AFF4: variants seen among roughly 807,000 people sequenced by gnomAD.
AFF4 encodes AF4/FMR2 family member 4.
In AFF4, 13 loss-of-function variants were observed where a neutral mutation model predicts 124.8. The observed-to-expected ratio is 0.10, with a 90% CI of 0.07 to 0.17. The LOEUF (loss-of-function observed/expected upper bound fraction) is 0.17. Ranked by LOEUF, AFF4 falls within the 10% of genes least tolerant of loss-of-function variation. The probability of loss-of-function intolerance (pLI) is 1.00; values close to 1 mark genes in which losing one functional copy is unlikely to be tolerated. For missense variants in AFF4, 1,092 were observed against 1,403.8 expected (o/e 0.78, Z 3.55); for synonymous variants, 477 against 496.1 (o/e 0.96, Z 0.51).
intron 1 of AFF4, among the ~76,000 whole-genome samples, chr5:132,961,773 T>C (rs917379920): frequency 2.6e-5 from 4 of 152,120 alleles, no homozygotes; most frequent in African/African-American, 9.7e-5. Flanking sequence ...TTATTTAAAG[T>C]AAAATTTGCC....
At chr5:132,939,216 CAAA>C (rs33952107) in intron 1 of AFF4, among the ~76,000 whole-genome samples, 2 of 122,978 alleles carry the variant, frequency 1.6e-5, no homozygotes. Context: ...GACCCTTTCT[CAAA>C]AAAAAAAAAA....
intron 8 of AFF4, 65 bp from the exon 9 acceptor site, chr5:132,899,206 A>T: frequency 2.0e-6 from 3 of 1,471,740 alleles, no homozygotes; most frequent in Non-Finnish European, 2.8e-6. Context: ...CTTAGTGTGA[A>T]TAATATCTGA....
intron 5 of AFF4, among the ~76,000 whole-genome samples, chr5:132,922,351 G>A (rs368052317): frequency 6.6e-6 from 1 of 152,062 alleles, no homozygotes; most frequent in South Asian, 2.1e-4. Flanking sequence ...CCGGGAGTTC[G>A]TGAGTGCAAT....
chr5:132,901,391 A>G (rs1393790692), intron 7 of AFF4, among the ~76,000 whole-genome samples: 3 of 152,210 alleles, frequency 2.0e-5, no homozygotes, highest in East Asian at 3.8e-4. Context: ...TCTTGTGTTC[A>G]TGTATTTTCA....
intron 4 of AFF4, among the ~76,000 whole-genome samples, chr5:132,931,732 G>T (rs1468389800): frequency 2.1e-4 from 32 of 152,200 alleles, no homozygotes; most frequent in Admixed American, 2.1e-3. Context: ...GAAGCAGGTG[G>T]ATCACCTGAG....
intron 5 of AFF4, among the ~76,000 whole-genome samples, chr5:132,918,822 C>T (rs1581303438): frequency 6.6e-6 from 1 of 152,010 alleles, no homozygotes; most frequent in African/African-American, 2.4e-5. Flanking sequence ...ATCTATAGAT[C>T]CAACACAATC....
chr5:132,956,947 G>C (rs1304745231), intron 1 of AFF4, among the ~76,000 whole-genome samples: 1 of 143,844 alleles, frequency 7.0e-6, no homozygotes, highest in Non-Finnish European at 1.5e-5. Flanking sequence ...TTGAACCTGG[G>C]AGGTGAAGGT....
intron 4 of AFF4, among the ~76,000 whole-genome samples, chr5:132,931,946 AAAAC>A (rs1761309394): frequency 1.3e-5 from 2 of 152,220 alleles, no homozygotes; most frequent in Non-Finnish European, 2.9e-5. Context: ...TTCATCTCAA[AAAAC>A]AAACAAACAA....
chr5:132,922,512 T>C (rs553946501), intron 5 of AFF4, among the ~76,000 whole-genome samples: 1 of 152,218 alleles, frequency 6.6e-6, no homozygotes, highest in Non-Finnish European at 1.5e-5. Context: ...TTGGGCTCAG[T>C]GGTTCATGCC....
Position 132,879,119 on chromosome 5 carries a change from A to G in AFF4, c.*1940T>C. On this transcript the variant is annotated 3_prime_UTR_variant, in exon 21 of 21. Transcript: ENST00000265343. ...AATTTCTCCAAGAGAAACAGGTTAA[A>G]TTCAACATAATTTGTACATCTCAAT... is the stretch of plus-strand genomic sequence containing the variant. 1 of 220,696 alleles carries G rather than the reference A, an allele frequency of 4.5e-6. No homozygotes were observed. Among genetic ancestry groups the G allele is most frequent in the Non-Finnish European group, 9.1e-6 (1 of 110,248 alleles). 13.7% of individuals were successfully genotyped at this position (220,696 alleles called of 1,614,324 possible). A position where few individuals can be genotyped will look rare whatever the true frequency, so the allele number is the denominator to read the frequency against.
At chr5:132,956,962 G>T (rs189290002) in intron 1 of AFF4, among the ~76,000 whole-genome samples, 5 of 141,110 alleles carry the variant, frequency 3.5e-5, no homozygotes, top group African/African-American at 1.3e-4. Flanking sequence ...GAAGGTTGTG[G>T]TGAGCCAAGA....
At position 132,902,476 on chromosome 5, in the gene AFF4, G is replaced by T; in HGVS notation, c.1099C>A (p.Pro367Thr). 1 of 1,608,012 alleles carries T rather than the reference G, an allele frequency of 6.2e-7. No individual in the cohort carries two copies. Among genetic ancestry groups the T allele is most frequent in the Non-Finnish European group, 8.5e-7 (1 of 1,174,710 alleles). Residue 367 changes from proline to threonine, a missense_variant, in exon 7 of 21, where the codon CCT becomes ACT. Transcript: ENST00000265343. ...FGTGEQKRYNPSKTSNGHQSK... is the reference protein window; with the variant it reads ...FGTGEQKRYNTSKTSNGHQSK... ...TGGTGCCCATTTGAAGTTTTAGAAG[G>T]ATTATATCTTTCTGGAACAAAAAGA...
chr5:132,905,491 G>T (rs534645220), intron 5 of AFF4, among the ~76,000 whole-genome samples: 1 of 152,084 alleles, frequency 6.6e-6, no homozygotes, highest in Non-Finnish European at 1.5e-5. Flanking sequence ...ATAGTTTTGC[G>T]GTTAAAAAAC....
rs143644987 is a variant in AFF4 at position 132,897,959 on chromosome 5, A to G, written c.1389+271T>C. On this transcript the variant is annotated intron_variant, in intron 10 of 20. Transcript: ENST00000265343. The stretch of plus-strand genomic sequence containing the variant: ...TCTTTGTAACCACAGAACATCAATT[A>G]CCATGTTGAGTCATAAAAATAAAAG... 8.4e-4 allele frequency among the ~76,000 whole-genome samples: 128 copies of G among 152,334 alleles called. No individual in the cohort carries two copies. In the East Asian group the frequency reaches 0.024, roughly 28 times the overall value.
rs939378259 is a variant in AFF4 at position 132,927,199 on chromosome 5, C to T, written c.972G>A (p.Thr324=). 6 of 1,609,328 alleles carry T rather than the reference C, an allele frequency of 3.7e-6. No individual in the cohort carries two copies. The highest frequency in any genetic ancestry group is 1.6e-4 in the Middle Eastern group (1 of 6,070). The change falls in exon 5 of 21, where the codon ACG becomes ACA. Residue 324 remains threonine, a synonymous_variant. Transcript: ENST00000265343. ...CCGTTAGAGGGGGAGGCCATGAATG[C>T]GTCATCTCCTGAAATGTAATTATTA... ...SCVDEILKEM[T]HSWPPPLTAI...
chr5:132,915,630 C>T (rs1478088003), intron 5 of AFF4, among the ~76,000 whole-genome samples: 5 of 141,484 alleles, frequency 3.5e-5, no homozygotes, highest in African/African-American at 7.9e-5. Flanking sequence ...TGCAGTGGTA[C>T]GATCTCGGAT....
intron 1 of AFF4, among the ~76,000 whole-genome samples, chr5:132,961,719 T>C (rs1215433753): frequency 1.3e-5 from 2 of 152,170 alleles, no homozygotes; most frequent in Non-Finnish European, 2.9e-5. Flanking sequence ...ACAGCTGGGC[T>C]CTTTTTTCAG....
At chr5:132,885,049 T>G (rs1448039494) in intron 19 of AFF4, 27 bp downstream of exon 19, 1 of 1,551,766 alleles carries the variant, frequency 6.4e-7, no homozygotes, top group Admixed American at 1.8e-5. Context: ...GCCACAATAA[T>G]ATTTTACATA....
intron 7 of AFF4, among the ~76,000 whole-genome samples, chr5:132,901,716 AAAG>A (rs1378739362): frequency 1.3e-5 from 2 of 152,236 alleles, no homozygotes; most frequent in Non-Finnish European, 2.9e-5. Context: ...GGCTTGGCCT[AAAG>A]AAGAATCCTG....
Sources: gnomAD v4.1 joint callset for allele counts (sites outside exome capture counted in the v4.1 genomes callset) on GRCh38, gnomAD v4.1.1 for gene constraint, MANE v1.5 for transcripts, NCBI Gene and HGNC (gene_info 2026-07-23, HGNC 2026-07-21) for gene names.